MMRN1: variants seen among roughly 807,000 people sequenced by gnomAD.
The protein encoded by MMRN1 is multimerin-1.
MMRN1 carries 94 observed loss-of-function variants against 100.7 expected under a neutral mutation model. The ratio of observed to expected loss-of-function variants is 0.93; its 90% CI spans 0.79 to 1.11. The LOEUF (loss-of-function observed/expected upper bound fraction) is 1.11, where lower values mean the gene tolerates loss of function less well. MMRN1 is among the 50% of genes least tolerant of loss of function. The pLI is 0.00. For missense variants in MMRN1, 1,606 were observed against 1,439.1 expected (o/e 1.12, Z -1.88); for synonymous variants, 575 against 505.0 (o/e 1.14, Z -1.86).
intron 6 of MMRN1, among the ~76,000 whole-genome samples, chr4:89,946,362 T>C (rs1189043885): frequency 1.3e-5 from 2 of 152,218 alleles, no homozygotes; most frequent in Non-Finnish European, 2.9e-5. Context: ...AGATCAGTTA[T>C]CTGCCCTCTA....
At chr4:89,922,262 A>C (rs925147956) in intron 3 of MMRN1, among the ~76,000 whole-genome samples, 1 of 151,782 alleles carries the variant, frequency 6.6e-6, no homozygotes, top group African/African-American at 2.4e-5. Flanking sequence ...CTGAGCCACC[A>C]CATCTGACTA....
In MMRN1 at chr4:89,953,569, A is replaced by T. The variant is rs1723253614; in HGVS notation, c.*151A>T. 1 of 565,848 alleles carries T rather than the reference A, an allele frequency of 1.8e-6. No individual in the cohort carries two copies. The highest frequency in any genetic ancestry group is 1.9e-5 in the African/African-American group (1 of 51,758). 35.1% of individuals were successfully genotyped at this position (565,848 alleles called of 1,614,324 possible). A position where few individuals can be genotyped will look rare whatever the true frequency, so the allele number is the denominator to read the frequency against. On this transcript the variant is annotated 3_prime_UTR_variant, in exon 8 of 8. Transcript: ENST00000264790. The stretch of plus-strand genomic sequence containing the variant: ...ATGAGTAAACTTGTATGTCTATTTT[A>T]TAAAATTATTTGAATATTGTTTAAT...
chr4:89,916,655 A>T (rs956256938), intron 3 of MMRN1, among the ~76,000 whole-genome samples: 1 of 151,354 alleles, frequency 6.6e-6, no homozygotes, highest in African/African-American at 2.4e-5. Context: ...ATGTATGTTT[A>T]TTTTTTATCT....
At position 89,935,157 on chromosome 4, in the gene MMRN1, GA is replaced by G; in HGVS notation, c.1479del (p.Glu493AspfsTer21). ...GCAGACTCATTTAGAAGGTGCTCTA[GA>G]ACAGGAACACTCAAGAAGCATTCTG... ...VKQTHLEGALEQEHSRSILYY... is the reference protein window; with the variant it reads ...VKQTHLEGALXQEHSRSILYY... On this transcript the variant is annotated frameshift_variant, in exon 6 of 8. Transcript: ENST00000264790. LOFTEE classifies it high-confidence loss of function. 6.2e-7 allele frequency: 1 copy of G among 1,613,324 alleles called. No individual in the cohort carries two copies. Among genetic ancestry groups the G allele is most frequent in the Non-Finnish European group, 8.5e-7 (1 of 1,179,660 alleles).
chr4:89,899,127 C>T (rs145689579), intron 1 of MMRN1, among the ~76,000 whole-genome samples: 2 of 151,574 alleles, frequency 1.3e-5, no homozygotes, highest in African/African-American at 2.4e-5. Context: ...TAGTAAAAGG[C>T]GTATTTATGT....
intron 6 of MMRN1, among the ~76,000 whole-genome samples, chr4:89,938,466 A>G (rs1012343472): frequency 8.9e-6 from 1 of 112,946 alleles, no homozygotes; most frequent in Admixed American, 1.1e-4. Context: ...AAGCTATGTC[A>G]TTTTTTAAAC....
At chr4:89,946,286 T>C in intron 6 of MMRN1, among the ~76,000 whole-genome samples, 1 of 152,166 alleles carries the variant, frequency 6.6e-6, no homozygotes, top group African/African-American at 2.4e-5. Flanking sequence ...TATTATAAAA[T>C]GGGAGGACAG....
intron 1 of MMRN1, among the ~76,000 whole-genome samples, chr4:89,889,714 A>C (rs1383974869): frequency 6.6e-6 from 1 of 152,098 alleles, no homozygotes; most frequent in East Asian, 1.9e-4. Flanking sequence ...TCAATTCAAC[A>C]CTAGACATCA....
At position 89,927,836 on chromosome 4, in the gene MMRN1, A is replaced by G; in HGVS notation, c.997A>G (p.Met333Val). Residue 333 changes from methionine (M) to valine (V), a missense_variant, in exon 5 of 8, where the codon ATG becomes GTG. By Grantham distance (21) the Met-to-Val change is conservative (BLOSUM62 1). Coordinates refer to ENST00000264790, the MANE Select transcript of MMRN1 (RefSeq NM_007351.3). Reference protein sequence around the residue: ...KMTDQVNYQAMKLTLLQKKID... With the variant: ...KMTDQVNYQAVKLTLLQKKID... ...GACTGATCAGGTGAACTACCAGGCA[A>G]TGAAACTGACTCTTCTGCAGAAGAA... 6.2e-7 allele frequency: 1 copy of G among 1,612,630 alleles called. No individual in the cohort carries two copies. The highest frequency in any genetic ancestry group is 8.5e-7 in the Non-Finnish European group (1 of 1,179,324).
chr4:89,935,913 A>G lies in MMRN1; in HGVS notation c.2233A>G (p.Asn745Asp). The G allele has an allele frequency of 6.2e-7, 1 of 1,609,498 alleles. No individual in the cohort carries two copies. The highest frequency in any genetic ancestry group is 8.5e-7 in the Non-Finnish European group (1 of 1,177,890). ...TAATGCTATTGATTTCATTCAAGAT[A>G]ACTATGCCCTAAAAGAGACTTTAAG... ...INNAIDFIQD[N>D]YALKETLSTI... The change falls in exon 6 of 8, where the codon AAC (asparagine) becomes GAC (aspartate). Residue 745 changes from asparagine to aspartate, a missense_variant. Transcript: ENST00000264790.
chr4:89,929,901 A>G (rs906994976), intron 5 of MMRN1, among the ~76,000 whole-genome samples: 9 of 152,202 alleles, frequency 5.9e-5, no homozygotes, highest in Admixed American at 4.6e-4. Flanking sequence ...GACAGTAGCC[A>G]TAGAAACTGT....
At chr4:89,939,282 A>G (rs1049950235) in intron 6 of MMRN1, among the ~76,000 whole-genome samples, 4 of 152,076 alleles carry the variant, frequency 2.6e-5, no homozygotes, top group Non-Finnish European at 5.9e-5. Flanking sequence ...TCATCATCTT[A>G]TGAATCTCAG....
intron 6 of MMRN1, among the ~76,000 whole-genome samples, chr4:89,948,079 C>T (rs1723043349): frequency 6.6e-6 from 1 of 151,968 alleles, no homozygotes; most frequent in African/African-American, 2.4e-5. Flanking sequence ...CTCAAACTCC[C>T]GACCTCAGGT....
At chr4:89,897,041 A>G (rs1166952888) in intron 1 of MMRN1, among the ~76,000 whole-genome samples, 1 of 152,176 alleles carries the variant, frequency 6.6e-6, no homozygotes, top group African/African-American at 2.4e-5. Context: ...TATCTATTAA[A>G]TAATCAGAAA....
upstream of MMRN1, among the ~76,000 whole-genome samples, chr4:89,893,845 T>G (rs146003036): frequency 2.0e-5 from 3 of 152,234 alleles, no homozygotes; most frequent in East Asian, 3.9e-4. Flanking sequence ...TGTATATCTA[T>G]TTAAACAGAC....
chr4:89,946,600 C>A (rs556113103), intron 6 of MMRN1, among the ~76,000 whole-genome samples: 1 of 151,958 alleles, frequency 6.6e-6, no homozygotes, highest in Non-Finnish European at 1.5e-5. Flanking sequence ...GTGAATAGAG[C>A]GGTAAACTCA....
In MMRN1 at chr4:89,923,173, G is replaced by C. The variant is rs751806264; in HGVS notation, c.856G>C (p.Glu286Gln). The C allele has an allele frequency of 1.2e-6, 2 of 1,613,712 alleles. No individual in the cohort carries two copies. The highest frequency in any genetic ancestry group is 1.7e-6 in the Non-Finnish European group (2 of 1,179,748). Reference protein sequence around the residue: ...SGPKCQLRAQEQQSLIHTNQA... With the variant: ...SGPKCQLRAQQQQSLIHTNQA... ...CTCTTTCTGCTTCCTTCTAGCCCAG[G>C]AACAGCAAAGTTTGATACACACCAA... Residue 286 changes from glutamate (E) to glutamine (Q), a missense_variant, in exon 4 of 8, where the codon GAA becomes CAA. By Grantham distance (29) the Glu-to-Gln change is conservative (BLOSUM62 2). Transcript: ENST00000264790.
At chr4:89,951,929 T>G (rs1296028840) in intron 7 of MMRN1, among the ~76,000 whole-genome samples, 178 bp downstream of exon 7, 1 of 152,184 alleles carries the variant, frequency 6.6e-6, no homozygotes, top group East Asian at 1.9e-4. Flanking sequence ...AATGTCCTTT[T>G]GTTAGGCAAA....
intron 6 of MMRN1, among the ~76,000 whole-genome samples, chr4:89,947,548 C>A (rs990620459): frequency 5.3e-5 from 8 of 152,142 alleles, no homozygotes; most frequent in African/African-American, 1.9e-4. Flanking sequence ...CATGAAAGCT[C>A]ATACTCTTGT....
Sources: gnomAD v4.1 joint callset for allele counts (sites outside exome capture counted in the v4.1 genomes callset) on GRCh38, gnomAD v4.1.1 for gene constraint, MANE v1.5 for transcripts, NCBI Gene and HGNC (gene_info 2026-07-23, HGNC 2026-07-21) for gene names.